COL4A4: variants seen among roughly 807,000 people sequenced by gnomAD.
COL4A4 encodes the protein collagen type IV alpha 4 chain.
In COL4A4, 105 loss-of-function variants were observed where a neutral mutation model predicts 192.9. That is an observed-to-expected ratio of 0.54 (90% CI 0.46 to 0.64). The LOEUF (loss-of-function observed/expected upper bound fraction) is 0.64, where lower values mean the gene tolerates loss of function less well. COL4A4 is among the 30% of genes least tolerant of loss of function. The pLI is 0.00. For synonymous variants in COL4A4, 762 were observed against 769.9 expected, an observed-to-expected ratio of 0.99 and a Z score of 0.17; for missense variants, 1,967 against 2,169.3, an observed-to-expected ratio of 0.91 and a Z score of 1.85.
intron 30 of COL4A4, among the ~76,000 whole-genome samples, chr2:227,055,648 C>T (rs1371714911): frequency 1.3e-5 from 2 of 152,020 alleles, no homozygotes; most frequent in African/African-American, 4.8e-5. Flanking sequence ...AGAGTGGGGA[C>T]CCCCTCCAAA....
intron 4 of COL4A4, among the ~76,000 whole-genome samples, chr2:227,132,460 T>C (rs2062540383): frequency 6.6e-6 from 1 of 152,174 alleles, no homozygotes; most frequent in Non-Finnish European, 1.5e-5. Flanking sequence ...ATTATTGGTA[T>C]TATTATTCGT....
intron 1 of COL4A4, among the ~76,000 whole-genome samples, 161 bp downstream of exon 1, chr2:227,163,832 AAAGCCCAGGCAGAC>A (rs2065058455): frequency 6.6e-6 from 1 of 152,178 alleles, no homozygotes; most frequent in South Asian, 2.1e-4. Context: ...GCACCCAGTT[AAAGCCCAGGCAGAC>A]AAGCCCAGGA....
At position 227,039,589 on chromosome 2, in the gene COL4A4, T is replaced by C. The variant is rs1026058057; in HGVS notation, c.3505+2559A>G. 2.0e-5 allele frequency among the ~76,000 whole-genome samples: 3 copies of C among 152,204 alleles called. No homozygotes were observed. The East Asian group carries it at 5.8e-4, about 29-fold the overall frequency. The stretch of plus-strand genomic sequence containing the variant: ...CCTGCCATTTTGACCAAATTGGGTG[T>C]ATGTTTTTAAGCCACCAAGACACTT... On this transcript the variant is annotated intron_variant, in intron 37 of 47. Coordinates refer to ENST00000396625, the MANE Select transcript of COL4A4 (RefSeq NM_000092.5).
At chr2:227,128,795 T>C (rs1416321594) in intron 4 of COL4A4, among the ~76,000 whole-genome samples, 1 of 152,166 alleles carries the variant, frequency 6.6e-6, no homozygotes, top group Non-Finnish European at 1.5e-5. Context: ...TCCTTAACCC[T>C]GATCTTCTCC....
rs757209995 is a variant in COL4A4, at chr2:227,109,180, G to A, written c.657+44C>T. On this transcript the variant is annotated intron_variant, in intron 10 of 47. Coordinates refer to ENST00000396625, the MANE Select transcript of COL4A4 (RefSeq NM_000092.5). ...AATGTTGCTTCTTTATTTTCATGTA[G>A]AATCTGGTTTTTAAAGGGATCACAT... is the stretch of plus-strand genomic sequence containing the variant. 25 of 1,560,982 alleles carry A rather than the reference G, an allele frequency of 1.6e-5. No individual in the cohort carries two copies. The Admixed American group carries it at 1.7e-4, about 10-fold the overall frequency.
At chr2:226,989,744 A>G in the COL4A4 span, among the ~76,000 whole-genome samples, 1 of 152,192 alleles carries the variant, frequency 6.6e-6, no homozygotes, top group Admixed American at 6.5e-5. Flanking sequence ...GTTGATTTTA[A>G]GTCATTTTTG....
intron 22 of COL4A4, among the ~76,000 whole-genome samples, chr2:227,086,639 T>C (rs1486256023): frequency 1.3e-5 from 2 of 152,020 alleles, no homozygotes; most frequent in South Asian, 2.1e-4. Flanking sequence ...GAAAGCCCCA[T>C]AGAGCAACTG....
At chr2:227,012,409 TTGAC>T in intron 44 of COL4A4, 112 bp from the exon 45 acceptor site, 3 of 796,284 alleles carry the variant, frequency 3.8e-6, no homozygotes, top group South Asian at 2.8e-5. Context: ...CCTTCCCACT[TTGAC>T]TGAATGCATC....
chr2:227,074,632 C>T (rs1215464315), intron 25 of COL4A4, among the ~76,000 whole-genome samples: 1 of 152,098 alleles, frequency 6.6e-6, no homozygotes, highest in Non-Finnish European at 1.5e-5. Flanking sequence ...TTCACAATTG[C>T]AAAGATGTGG....
chr2:226,969,414 T>TTTTTA, the COL4A4 span, among the ~76,000 whole-genome samples: 9 of 150,762 alleles, frequency 6.0e-5, no homozygotes, highest in Middle Eastern at 6.9e-3. Flanking sequence ...TTTTTTTTTT[T>TTTTTA]AAGGAAGTAG....
rs1292402108 is a variant in COL4A4 at position 227,006,087 on chromosome 2, C to G, written c.*1238G>C. The G allele has an allele frequency of 6.6e-6, 1 of 152,614 alleles. No individual in the cohort carries two copies. The highest frequency in any genetic ancestry group is 2.4e-5 in the African/African-American group (1 of 41,438). The allele number at this position is 152,614 out of a possible 1,614,324, so 9.5% of individuals were successfully genotyped here. A position where few individuals can be genotyped will look rare whatever the true frequency, so the allele number is the denominator to read the frequency against. ...TTGGCAAAATGGGATGCTCCTGTAA[C>G]AGCCAACCACGGGAGCATAAAATTC... On this transcript the variant is annotated 3_prime_UTR_variant, in exon 48 of 48. Coordinates refer to ENST00000396625, the MANE Select transcript of COL4A4 (RefSeq NM_000092.5).
At chr2:227,065,939 A>G (rs977618764) in intron 25 of COL4A4, among the ~76,000 whole-genome samples, 1 of 152,224 alleles carries the variant, frequency 6.6e-6, no homozygotes, top group Non-Finnish European at 1.5e-5. Context: ...GCTACGGGGG[A>G]ACATTCAAAC....
intron 33 of COL4A4, 23 bp from the exon 34 acceptor site, chr2:227,050,154 G>T: frequency 1.2e-6 from 2 of 1,606,908 alleles, no homozygotes; most frequent in Non-Finnish European, 1.7e-6. Context: ...TGAAACAAAA[G>T]GCCTTAATCA....
chr2:227,147,458 A>T lies in COL4A4; in HGVS notation c.26T>A (p.Met9Lys), dbSNP rs1440047357. Residue 9 changes from methionine (M) to lysine (K), a missense_variant, in exon 2 of 48, where the codon ATG becomes AAG. Met to Lys is a moderately conservative substitution (Grantham distance 95). Coordinates refer to ENST00000396625, the MANE Select transcript of COL4A4 (RefSeq NM_000092.5). MWSLHIVLMRCSFRLTKSL... is the reference protein window; with the variant it reads MWSLHIVLKRCSFRLTKSL... ...CTTGGTCAATCTGAAGGAGCACCTC[A>T]TTAGTACTATGTGCAGAGACCACAT... The T allele has an allele frequency of 6.2e-7, 1 of 1,613,774 alleles. No individual in the cohort carries two copies. Among genetic ancestry groups the T allele is most frequent in the Admixed American group, 1.7e-5 (1 of 59,986 alleles).
intron 24 of COL4A4, among the ~76,000 whole-genome samples, chr2:227,078,986 C>T (rs2059182566): frequency 6.6e-6 from 1 of 152,234 alleles, no homozygotes. Flanking sequence ...ATCAAGGATT[C>T]CCTCACTGGC....
At position 227,010,292 on chromosome 2, in the gene COL4A4, TG is replaced by T. The variant is rs1411925475; in HGVS notation, c.4522+20del. On this transcript the variant is annotated intron_variant, in intron 46 of 47. Transcript: ENST00000396625. ...AATTTTACTCTTCAGGCAATGGAGA[TG>T]GGCGATCCTGTATCCATACCAAGGT... is the stretch of plus-strand genomic sequence containing the variant. 1.2e-6 allele frequency: 2 copies of T among 1,614,098 alleles called. No homozygotes were observed. The highest frequency in any genetic ancestry group is 1.6e-4 in the Middle Eastern group (1 of 6,062).
rs11556632 is a variant in COL4A4 at position 227,006,484 on chromosome 2, C to T, written c.*841G>A. On this transcript the variant is annotated 3_prime_UTR_variant, in exon 48 of 48. Coordinates refer to ENST00000396625, the MANE Select transcript of COL4A4 (RefSeq NM_000092.5). Reference sequence around the variant, plus strand: ...CTGGAAGTTCACTGCAATGGGGAGTCAATTTTTGTGAATAACTACCTTAAT... The same window carrying T: ...CTGGAAGTTCACTGCAATGGGGAGTTAATTTTTGTGAATAACTACCTTAAT... 8.1e-3 allele frequency: 1,243 copies of T among 152,544 alleles called. 11 individuals are homozygous for T. Among genetic ancestry groups the T allele is most frequent in the Non-Finnish European group, 9.9e-3 (671 of 68,056 alleles). 9.4% of individuals were successfully genotyped at this position (152,544 alleles called of 1,614,324 possible).
At chr2:227,002,499 CCT>C (rs1214136677), downstream of COL4A4, among the ~76,000 whole-genome samples, 3 of 152,206 alleles carry the variant, frequency 2.0e-5, no homozygotes, top group Admixed American at 6.5e-5. Context: ...AGACCTTCCC[CCT>C]GAGGCCTGCT....
At chr2:227,119,178 T>C (rs1276193017) in intron 6 of COL4A4, among the ~76,000 whole-genome samples, 1 of 152,128 alleles carries the variant, frequency 6.6e-6, no homozygotes, top group Non-Finnish European at 1.5e-5. Context: ...AAGAACATTG[T>C]ACTTGACATA....
Sources: gnomAD v4.1 joint callset for allele counts (sites outside exome capture counted in the v4.1 genomes callset) on GRCh38, gnomAD v4.1.1 for gene constraint, MANE v1.5 for transcripts, NCBI Gene and HGNC (gene_info 2026-07-23, HGNC 2026-07-21) for gene names.